The following ITGA8 variants were observed in gnomAD, a reference collection of about 807,000 sequenced individuals.
ITGA8 encodes integrin subunit alpha 8, also known as integrin alpha-8.
In ITGA8, 91 loss-of-function variants were observed where a neutral mutation model predicts 142.3. The ratio of observed to expected loss-of-function variants is 0.64; its 90% CI spans 0.54 to 0.76. ITGA8 has a LOEUF of 0.76. Ranked by LOEUF, ITGA8 falls within the 30% of genes least tolerant of loss-of-function variation. The probability of loss-of-function intolerance (pLI) is 0.00; values close to 1 mark genes in which losing one functional copy is unlikely to be tolerated. For synonymous variants in ITGA8, 505 were observed against 485.2 expected (o/e 1.04, Z -0.54); for missense variants, 1,406 against 1,327.7 (o/e 1.06, Z -0.92).
intron 27 of ITGA8, among the ~76,000 whole-genome samples, chr10:15,535,358 G>A (rs1392219631): frequency 2.6e-5 from 4 of 152,220 alleles, no homozygotes; most frequent in Non-Finnish European, 5.9e-5. Flanking sequence ...CTCCACCTGC[G>A]GCGCCGGTGC....
intron 28 of ITGA8, among the ~76,000 whole-genome samples, chr10:15,525,754 G>T (rs905330674): frequency 2.0e-5 from 3 of 148,510 alleles, no homozygotes; most frequent in African/African-American, 7.4e-5. Context: ...AATGATAAAA[G>T]TATTATCCTT....
At chr10:15,604,486 A>T (rs1833158141) in intron 19 of ITGA8, 131 bp from the exon 20 acceptor site, 2 of 572,052 alleles carry the variant, frequency 3.5e-6, no homozygotes, top group East Asian at 6.7e-5. Context: ...CATCATGAAG[A>T]GATGGTAGGA....
chr10:15,607,671 A>G lies in ITGA8; in HGVS notation c.1764+6T>C. 6.2e-7 allele frequency: 1 copy of G among 1,613,426 alleles called. No homozygotes were observed. The highest frequency in any genetic ancestry group is 1.7e-5 in the Admixed American group (1 of 60,024). ...GAGGCCAGAGAAGTCTTTCTGGAAT[A>G]CTTACTCGAAGGTAAACGATGAAAT... On this transcript the variant is annotated splice_donor_region_variant and intron_variant, in intron 17 of 29. Transcript: ENST00000378076.
In ITGA8 at chr10:15,516,392, A is replaced by T. The variant is rs531657817; in HGVS notation, c.*766T>A. 25 of 152,346 alleles carry T rather than the reference A, an allele frequency of 1.6e-4. No individual in the cohort carries two copies. The highest frequency in any genetic ancestry group is 5.3e-4 in the African/African-American group (22 of 41,598). 9.4% of individuals were successfully genotyped at this position (152,346 alleles called of 1,614,324 possible). A position where few individuals can be genotyped will look rare whatever the true frequency, so the allele number is the denominator to read the frequency against. On this transcript the variant is annotated 3_prime_UTR_variant, in exon 30 of 30. Transcript: ENST00000378076. The stretch of plus-strand genomic sequence containing the variant: ...TTAAATAGAACTGATTCCTAATGCC[A>T]ATCTTCCTTTCCTTAGCACTGTCTA...
At chr10:15,601,409 G>A (rs1439548707) in intron 20 of ITGA8, among the ~76,000 whole-genome samples, 2 of 152,124 alleles carry the variant, frequency 1.3e-5, no homozygotes, top group Non-Finnish European at 2.9e-5. Flanking sequence ...GCTTACCAGG[G>A]CCTGGGGAGA....
At chr10:15,602,524 C>T (rs1330554493) in intron 20 of ITGA8, among the ~76,000 whole-genome samples, 2 of 151,996 alleles carry the variant, frequency 1.3e-5, no homozygotes, top group Non-Finnish European at 2.9e-5. Context: ...GACCGCCTGA[C>T]CCCAGGTGTT....
In ITGA8 at chr10:15,571,309, C is replaced by T. The variant is rs542253106; in HGVS notation, c.2637+902G>A. ...TGTCTTGGCTGGTGGCGTGGGTATTCCATGAAGCCTGCGCTGCGCCATTTT... is the reference window on the plus strand; with the variant it reads ...TGTCTTGGCTGGTGGCGTGGGTATTTCATGAAGCCTGCGCTGCGCCATTTT... On this transcript the variant is annotated intron_variant, in intron 25 of 29. Coordinates refer to ENST00000378076, the MANE Select transcript of ITGA8 (RefSeq NM_003638.3). Among the ~76,000 whole-genome samples, 7 of 152,240 alleles carry T rather than the reference C, an allele frequency of 4.6e-5. No homozygotes were observed. The South Asian group carries it at 1.5e-3, about 32-fold the overall frequency.
chr10:15,662,160 T>C (rs769103174), intron 8 of ITGA8, among the ~76,000 whole-genome samples: 5 of 152,068 alleles, frequency 3.3e-5, no homozygotes, highest in African/African-American at 7.2e-5. Context: ...AAATGTAATA[T>C]TGAGTAAAGA....
intron 22 of ITGA8, among the ~76,000 whole-genome samples, chr10:15,591,397 G>A (rs1378833752): frequency 2.1e-5 from 3 of 139,632 alleles, no homozygotes; most frequent in East Asian, 2.0e-4. Flanking sequence ...TTCATGAGCT[G>A]TATTAATATA....
At chr10:15,529,025 C>A (rs1833237835) in intron 28 of ITGA8, among the ~76,000 whole-genome samples, 2 of 150,356 alleles carry the variant, frequency 1.3e-5, no homozygotes, top group African/African-American at 2.5e-5. Context: ...TCCTCCCTGT[C>A]TCCCTCCCTT....
chr10:15,574,860 G>A (rs1442226497), intron 24 of ITGA8, among the ~76,000 whole-genome samples: 1 of 151,884 alleles, frequency 6.6e-6, no homozygotes, highest in Non-Finnish European at 1.5e-5. Flanking sequence ...ATGAAGTAAT[G>A]TCTAGGAAGC....
intron 6 of ITGA8, among the ~76,000 whole-genome samples, chr10:15,674,484 C>T (rs921685202): frequency 6.6e-6 from 1 of 152,128 alleles, no homozygotes; most frequent in Non-Finnish European, 1.5e-5. Context: ...AGAAAACCTT[C>T]CGTAAATATA....
intron 11 of ITGA8, among the ~76,000 whole-genome samples, chr10:15,647,664 T>A (rs972972402): frequency 3.3e-5 from 5 of 151,008 alleles, no homozygotes; most frequent in Non-Finnish European, 7.4e-5. Context: ...GGGTTTCACC[T>A]TGTTAGCCAG....
chr10:15,596,616 T>A (rs764590346), intron 21 of ITGA8: 3 of 152,690 alleles, frequency 2.0e-5, no homozygotes, highest in Non-Finnish European at 2.9e-5. Context: ...CATTATAGCA[T>A]AAAAGAGCAA....
chr10:15,694,514 ATT>A, intron 2 of ITGA8, among the ~76,000 whole-genome samples: 1 of 137,790 alleles, frequency 7.3e-6, no homozygotes, highest in African/African-American at 2.6e-5. Flanking sequence ...TATCTAATAT[ATT>A]ATAGATTTAT....
intron 26 of ITGA8, among the ~76,000 whole-genome samples, chr10:15,550,746 T>C (rs1428411824): frequency 6.6e-6 from 1 of 152,126 alleles, no homozygotes; most frequent in Non-Finnish European, 1.5e-5. Context: ...GGAGTTTAGA[T>C]TTTATTCAGA....
chr10:15,655,459 A>T, intron 10 of ITGA8, 53 bp from the exon 11 acceptor site: 1 of 1,176,390 alleles, frequency 8.5e-7, no homozygotes, highest in Non-Finnish European at 1.3e-6. Context: ...TCATTTTTGT[A>T]GTCATGTCTC....
intron 22 of ITGA8, among the ~76,000 whole-genome samples, chr10:15,589,788 G>A (rs1832895081): frequency 7.6e-5 from 11 of 144,572 alleles, no homozygotes; most frequent in Admixed American, 6.8e-4. Context: ...TTTGAGATGG[G>A]GTCTCACTCT....
At chr10:15,615,594 A>G (rs1196576940) in intron 14 of ITGA8, among the ~76,000 whole-genome samples, 10 of 152,144 alleles carry the variant, frequency 6.6e-5, no homozygotes, top group Non-Finnish European at 1.3e-4. Context: ...GCTCACTACA[A>G]CCTCGACCTC....
Sources: allele counts gnomAD v4.1 joint callset (sites outside exome capture counted in the v4.1 genomes callset), GRCh38; gene constraint gnomAD v4.1.1; transcripts MANE v1.5; gene names NCBI Gene and HGNC (gene_info 2026-07-23, HGNC 2026-07-21).